GALNT13: variants seen among roughly 807,000 people sequenced by gnomAD.
GALNT13 encodes polypeptide N-acetylgalactosaminyltransferase 13.
In GALNT13, 28 loss-of-function variants were observed where a neutral mutation model predicts 64.2. The ratio of observed to expected loss-of-function variants is 0.44; its 90% CI spans 0.32 to 0.60. The LOEUF (loss-of-function observed/expected upper bound fraction) is 0.60, where lower values mean the gene tolerates loss of function less well. GALNT13 is among the 20% of genes least tolerant of loss of function. The pLI, the probability that GALNT13 is intolerant of heterozygous loss-of-function variation, is 0.05. For missense variants in GALNT13, 577 were observed against 669.8 expected (o/e 0.86, Z 1.53); for synonymous variants, 214 against 224.6 (o/e 0.95, Z 0.42).
rs1280487295 is a variant in GALNT13 at position 154,167,820 on chromosome 2, G to C, written c.311+27315G>C. Among the ~76,000 whole-genome samples, 5 of 152,296 alleles carry C rather than the reference G, an allele frequency of 3.3e-5. No homozygotes were observed. In the East Asian group the frequency reaches 9.7e-4, roughly 29 times the overall value. On this transcript the variant is annotated intron_variant, in intron 4 of 12. Coordinates refer to ENST00000392825, the MANE Select transcript of GALNT13 (RefSeq NM_052917.4). ...TGGGGGGCGAGAACCTGTGCAGGTTGGTACCAACAATCCTATGGATGGTAC... is the reference window on the plus strand; with the variant it reads ...TGGGGGGCGAGAACCTGTGCAGGTTCGTACCAACAATCCTATGGATGGTAC...
At chr2:154,367,744 G>C (rs540587524) in intron 9 of GALNT13, among the ~76,000 whole-genome samples, 9 of 152,232 alleles carry the variant, frequency 5.9e-5, no homozygotes, top group Admixed American at 4.6e-4. Flanking sequence ...TTATGACCTT[G>C]CCAATTTCTC....
At chr2:153,811,972 A>C in the GALNT13 span, among the ~76,000 whole-genome samples, 1 of 152,222 alleles carries the variant, frequency 6.6e-6, no homozygotes, top group African/African-American at 2.4e-5. Context: ...TTACTGATGC[A>C]GTTTAAGAAT....
chr2:153,318,785 T>C, the GALNT13 span, among the ~76,000 whole-genome samples: 1 of 152,210 alleles, frequency 6.6e-6, no homozygotes, highest in South Asian at 2.1e-4. Context: ...AGATGTACTC[T>C]TGTAAGAATA....
chr2:153,575,739 C>T, the GALNT13 span, among the ~76,000 whole-genome samples: 1 of 151,316 alleles, frequency 6.6e-6, no homozygotes, highest in Admixed American at 6.6e-5. Context: ...GGGACTCACC[C>T]TTTGGGACAG....
the GALNT13 span, among the ~76,000 whole-genome samples, chr2:153,647,493 G>T: frequency 6.6e-6 from 1 of 152,064 alleles, no homozygotes; most frequent in Non-Finnish European, 1.5e-5. Flanking sequence ...GTCAATTTTG[G>T]CTTATGTTGC....
At chr2:153,399,566 T>C in the GALNT13 span, among the ~76,000 whole-genome samples, 1 of 152,084 alleles carries the variant, frequency 6.6e-6, no homozygotes, top group East Asian at 1.9e-4. Flanking sequence ...GCATGGGATG[T>C]TCTTCCATTT....
At chr2:153,763,643 C>A in the GALNT13 span, among the ~76,000 whole-genome samples, 1 of 152,102 alleles carries the variant, frequency 6.6e-6, no homozygotes, top group African/African-American at 2.4e-5. Context: ...ATTACCCAGT[C>A]CCTCATATGT....
Position 153,935,235 on chromosome 2 carries a change from A to G in GALNT13, c.-104-9159A>G, listed in dbSNP as rs111720784. On this transcript the variant is annotated intron_variant, in intron 2 of 12. Coordinates refer to ENST00000392825, the MANE Select transcript of GALNT13 (RefSeq NM_052917.4). ...TAAGAACAGTGTATTATCCAGCACA[A>G]CTGACACAAGGGAGTTTACATAGAA... 2.0e-5 allele frequency among the ~76,000 whole-genome samples: 3 copies of G among 152,314 alleles called. 1 individual carries two copies. Among genetic ancestry groups the G allele is most frequent in the African/African-American group, 7.2e-5 (3 of 41,576 alleles).
chr2:153,877,953 G>C (rs1490468071), intron 1 of GALNT13, among the ~76,000 whole-genome samples: 2 of 152,054 alleles, frequency 1.3e-5, no homozygotes, highest in Non-Finnish European at 2.9e-5. Flanking sequence ...TTGTATAAAT[G>C]AGGCATCACC....
chr2:154,412,251 G>T (rs531244972), intron 11 of GALNT13, among the ~76,000 whole-genome samples: 2 of 151,738 alleles, frequency 1.3e-5, no homozygotes, highest in Non-Finnish European at 3.0e-5. Flanking sequence ...TGCTCTGATG[G>T]AATTCAATAT....
chr2:153,566,347 C>CGTTT, the GALNT13 span, among the ~76,000 whole-genome samples: 1 of 76,424 alleles, frequency 1.3e-5, no homozygotes, highest in East Asian at 4.1e-4. Context: ...CTTCTAATCA[C>CGTTT]GTTTTTTTTT....
chr2:153,231,449 A>G, the GALNT13 span, among the ~76,000 whole-genome samples: 1 of 152,194 alleles, frequency 6.6e-6, no homozygotes, highest in Admixed American at 6.5e-5. Flanking sequence ...AAGATTTTGC[A>G]CTGCCTTTGC....
At chr2:154,103,828 C>G (rs1393594409) in intron 3 of GALNT13, among the ~76,000 whole-genome samples, 1 of 152,152 alleles carries the variant, frequency 6.6e-6, no homozygotes, top group Non-Finnish European at 1.5e-5. Flanking sequence ...TATGAACCCA[C>G]TCACCTGCTG....
At chr2:154,212,267 C>T (rs192683578) in intron 4 of GALNT13, among the ~76,000 whole-genome samples, 12 of 151,310 alleles carry the variant, frequency 7.9e-5, no homozygotes, top group South Asian at 2.1e-4. Flanking sequence ...TTTTTTGAGA[C>T]GGAGTCTTGC....
chr2:154,030,044 T>C (rs1445161237), intron 3 of GALNT13, among the ~76,000 whole-genome samples: 5 of 152,238 alleles, frequency 3.3e-5, no homozygotes, highest in South Asian at 4.1e-4. Context: ...GTCTTAAATA[T>C]GTGTACTTGT....
intron 7 of GALNT13, among the ~76,000 whole-genome samples, chr2:154,252,725 AGATAGATAGATAGATAGATAGAT>A (rs1690142600): frequency 1.2e-4 from 1 of 8,384 alleles, no homozygotes; most frequent in South Asian, 5.1e-3. Flanking sequence ...GAATGGAAAA[AGATAGATAGATAGATAGATAGAT>A]AGATAGATAG....
the GALNT13 span, among the ~76,000 whole-genome samples, chr2:153,118,305 C>T: frequency 7.2e-5 from 11 of 152,290 alleles, no homozygotes; most frequent in East Asian, 5.8e-4. Context: ...ATGCACTGTG[C>T]TAGTTCACAA....
chr2:154,367,033 C>T (rs1440891202), intron 9 of GALNT13, among the ~76,000 whole-genome samples: 10 of 151,924 alleles, frequency 6.6e-5, no homozygotes, highest in Admixed American at 5.9e-4. Context: ...ATTGTTGCTA[C>T]TTTTTATGTT....
intron 4 of GALNT13, among the ~76,000 whole-genome samples, chr2:154,209,787 T>G (rs1043060440): frequency 2.6e-5 from 4 of 152,196 alleles, no homozygotes; most frequent in African/African-American, 9.7e-5. Context: ...CTTTGATATA[T>G]GTACATATGT....
Sources: gnomAD v4.1 joint callset for allele counts (sites outside exome capture counted in the v4.1 genomes callset) on GRCh38, gnomAD v4.1.1 for gene constraint, MANE v1.5 for transcripts, NCBI Gene and HGNC (gene_info 2026-07-23, HGNC 2026-07-21) for gene names.